HCN1: variants seen among roughly 807,000 people sequenced by gnomAD.
The protein encoded by HCN1 is potassium/sodium hyperpolarization-activated cyclic nucleotide-gated channel 1.
In HCN1, 13 loss-of-function variants were observed where a neutral mutation model predicts 78.9. That is an observed-to-expected ratio of 0.16 (90% CI 0.11 to 0.26). The LOEUF is 0.26. Among genes scored for constraint, HCN1 ranks in the 10% least tolerant of loss-of-function variants. The probability of loss-of-function intolerance (pLI) is 1.00; values close to 1 mark genes in which losing one functional copy is unlikely to be tolerated. For missense variants in HCN1, 810 were observed against 1,154.3 expected, an observed-to-expected ratio of 0.70 and a Z score of 4.32; for synonymous variants, 552 against 455.5, an observed-to-expected ratio of 1.21 and a Z score of -2.70.
chr5:45,316,711 CAA>C (rs1234223860), intron 5 of HCN1, among the ~76,000 whole-genome samples: 4 of 152,168 alleles, frequency 2.6e-5, no homozygotes, highest in Non-Finnish European at 5.9e-5. Context: ...GCAACTTCAG[CAA>C]AGTCTCAGGA....
chr5:45,373,213 T>TACAAATG (rs1342642481), intron 4 of HCN1, among the ~76,000 whole-genome samples: 1 of 121,822 alleles, frequency 8.2e-6, no homozygotes, highest in East Asian at 2.2e-4. Context: ...TTTATATATG[T>TACAAATG]TATATATAAT....
At chr5:45,472,956 T>A (rs565900587) in intron 2 of HCN1, among the ~76,000 whole-genome samples, 33 of 151,954 alleles carry the variant, frequency 2.2e-4, no homozygotes, top group Admixed American at 3.3e-4. Context: ...ATCTTTTTTG[T>A]GTGTCTAGCT....
chr5:45,320,705 C>T (rs543390501), intron 5 of HCN1, among the ~76,000 whole-genome samples: 3 of 151,588 alleles, frequency 2.0e-5, no homozygotes, highest in Non-Finnish European at 2.9e-5. Flanking sequence ...TAGATATTAA[C>T]CAACAATTTG....
At chr5:45,500,546 G>A (rs963052670) in intron 2 of HCN1, among the ~76,000 whole-genome samples, 2 of 152,056 alleles carry the variant, frequency 1.3e-5, no homozygotes, top group African/African-American at 4.8e-5. Context: ...TGTTAGATCT[G>A]GTAGAACTAA....
At chr5:45,601,668 C>A (rs1744628547) in intron 2 of HCN1, among the ~76,000 whole-genome samples, 1 of 152,098 alleles carries the variant, frequency 6.6e-6, no homozygotes, top group African/African-American at 2.4e-5. Flanking sequence ...TCCAGTTATT[C>A]ATGATTAGTT....
chr5:45,470,329 C>A (rs971798125), intron 2 of HCN1, among the ~76,000 whole-genome samples: 1 of 151,962 alleles, frequency 6.6e-6, no homozygotes, highest in Non-Finnish European at 1.5e-5. Context: ...CACTACAATT[C>A]TTTGTGAACA....
intron 5 of HCN1, among the ~76,000 whole-genome samples, chr5:45,350,921 A>G (rs1265026784): frequency 6.6e-5 from 10 of 152,206 alleles, no homozygotes; most frequent in Non-Finnish European, 1.2e-4. Context: ...GGGTAGGAAG[A>G]ATCAATATCG....
At chr5:45,335,792 G>A (rs1746441323) in intron 5 of HCN1, among the ~76,000 whole-genome samples, 1 of 152,020 alleles carries the variant, frequency 6.6e-6, no homozygotes, top group Non-Finnish European at 1.5e-5. Context: ...ACTCTGTGAA[G>A]CAGTTATGAT....
chr5:45,280,887 G>T (rs953570167), intron 6 of HCN1, among the ~76,000 whole-genome samples: 1 of 152,030 alleles, frequency 6.6e-6, no homozygotes, highest in Non-Finnish European at 1.5e-5. Flanking sequence ...CATTAAAAAT[G>T]CTTTTCAAAA....
At chr5:45,317,736 C>T (rs968065565) in intron 5 of HCN1, among the ~76,000 whole-genome samples, 2 of 152,070 alleles carry the variant, frequency 1.3e-5, no homozygotes, top group African/African-American at 4.8e-5. Context: ...CAAACAACCC[C>T]ATCAAAAAGT....
chr5:45,492,391 GAATA>G (rs1342800391), intron 2 of HCN1, among the ~76,000 whole-genome samples: 1 of 37,842 alleles, frequency 2.6e-5, no homozygotes, highest in Non-Finnish European at 4.9e-5. Flanking sequence ...TTCTTTAAAT[GAATA>G]TATATATATA....
chr5:45,497,398 C>T (rs1742062649), intron 2 of HCN1, among the ~76,000 whole-genome samples: 1 of 152,138 alleles, frequency 6.6e-6, no homozygotes, highest in Admixed American at 6.5e-5. Flanking sequence ...GTATTGGGCG[C>T]ATATATATTT....
chr5:45,463,523 A>G (rs530952173), intron 2 of HCN1, among the ~76,000 whole-genome samples: 13 of 152,100 alleles, frequency 8.5e-5, no homozygotes, highest in African/African-American at 3.1e-4. Context: ...AACTTATTAT[A>G]TAGCATTAAG....
intron 2 of HCN1, among the ~76,000 whole-genome samples, chr5:45,583,731 G>T (rs963204021): frequency 6.6e-6 from 1 of 151,908 alleles, no homozygotes; most frequent in African/African-American, 2.4e-5. Flanking sequence ...TTGTGTCTTT[G>T]TTCTCGTTGG....
At chr5:45,529,210 T>C (rs931350881) in intron 2 of HCN1, among the ~76,000 whole-genome samples, 5 of 152,038 alleles carry the variant, frequency 3.3e-5, no homozygotes, top group Non-Finnish European at 7.4e-5. Context: ...CCTAAACATG[T>C]CTTTGTTTTA....
At chr5:45,265,725 T>G (rs1341470023) in intron 7 of HCN1, among the ~76,000 whole-genome samples, 1 of 152,208 alleles carries the variant, frequency 6.6e-6, no homozygotes, top group Non-Finnish European at 1.5e-5. Context: ...CCCAGCCCCA[T>G]CTTTTTTGAG....
intron 3 of HCN1, among the ~76,000 whole-genome samples, chr5:45,400,620 G>A (rs1286798632): frequency 3.3e-5 from 5 of 151,656 alleles, no homozygotes; most frequent in Admixed American, 1.3e-4. Context: ...CGAACTCCTC[G>A]AACTCAAATT....
intron 5 of HCN1, among the ~76,000 whole-genome samples, chr5:45,352,670 T>C (rs1016505876): frequency 5.9e-5 from 9 of 152,042 alleles, no homozygotes; most frequent in East Asian, 5.8e-4. Context: ...TTATTAATGT[T>C]GCAAAGTGTT....
chr5:45,422,313 T>C (rs1052960480), intron 3 of HCN1, among the ~76,000 whole-genome samples: 4 of 152,210 alleles, frequency 2.6e-5, no homozygotes, highest in Non-Finnish European at 4.4e-5. Context: ...AAGGCTCTTG[T>C]GCCACATAAA....
Sources: gnomAD v4.1 joint callset for allele counts (sites outside exome capture counted in the v4.1 genomes callset) on GRCh38, gnomAD v4.1.1 for gene constraint, MANE v1.5 for transcripts, NCBI Gene and HGNC (gene_info 2026-07-23, HGNC 2026-07-21) for gene names.